The following NDUFS6 variants were observed in gnomAD, a reference collection of about 807,000 sequenced individuals.
The protein encoded by NDUFS6 is NADH dehydrogenase [ubiquinone] iron-sulfur protein 6, mitochondrial.
In NDUFS6, 14 loss-of-function variants were observed where a neutral mutation model predicts 13.2. That is an observed-to-expected ratio of 1.06 (90% CI 0.70 to 1.66). The LOEUF (loss-of-function observed/expected upper bound fraction) is 1.66, where lower values mean the gene tolerates loss of function less well. NDUFS6 is among the 40% of genes most tolerant of loss of function. NDUFS6 has a pLI of 0.00. For synonymous variants in NDUFS6, 95 were observed against 72.3 expected, an observed-to-expected ratio of 1.31 and a Z score of -1.60; for missense variants, 206 against 170.8, an observed-to-expected ratio of 1.21 and a Z score of -1.15.
In NDUFS6 at chr5:1,814,718, C is replaced by T. The variant is rs1259906844; in HGVS notation, c.309+257C>T. The T allele has an allele frequency of 7.0e-6, 5 of 709,430 alleles. No homozygotes were observed. Among genetic ancestry groups the T allele is most frequent in the Non-Finnish European group, 5.1e-6 (2 of 391,846 alleles). 43.9% of individuals were successfully genotyped at this position (709,430 alleles called of 1,614,324 possible). On this transcript the variant is annotated intron_variant, in intron 3 of 3. Coordinates refer to ENST00000274137, the MANE Select transcript of NDUFS6 (RefSeq NM_004553.6). The surrounding 1 kb of genome is among the most constrained non-coding windows in gnomAD (Gnocchi z 4.9). ...CTTCTCGGACGCCCAAGCGTCTTTC[C>T]TCTCTGGGCCCTTCTCGGTTTGGTC... is the stretch of plus-strand genomic sequence containing the variant.
At chr5:1,809,584 C>T (rs1305492748) in intron 2 of NDUFS6, among the ~76,000 whole-genome samples, 1 of 152,222 alleles carries the variant, frequency 6.6e-6, no homozygotes, top group Non-Finnish European at 1.5e-5. Context: ...GACGGGAGGG[C>T]ATCCCGCGTC....
Position 1,814,575 on chromosome 5 carries a change from C to A in NDUFS6, c.309+114C>A. The A allele has an allele frequency of 1.3e-6, 2 of 1,516,334 alleles. No homozygotes were observed. Among genetic ancestry groups the A allele is most frequent in the Non-Finnish European group, 1.8e-6 (2 of 1,113,270 alleles). The allele number at this position is 1,516,334 out of a possible 1,614,324, so 93.9% of individuals were successfully genotyped here. A position where few individuals can be genotyped will look rare whatever the true frequency, so the allele number is the denominator to read the frequency against. ...CTTCTCTACCTGCTCCCGAGGCGGC[C>A]CTTACGGGGTTCACACTGCTGGCAC... On this transcript the variant is annotated intron_variant, in intron 3 of 3. Transcript: ENST00000274137. This position sits in a 1 kb window ranked among gnomAD's most constrained non-coding sequence, Gnocchi z 4.9.
intron 2 of NDUFS6, among the ~76,000 whole-genome samples, chr5:1,803,798 T>C (rs1734084971): frequency 6.6e-6 from 1 of 152,254 alleles, no homozygotes; most frequent in Admixed American, 6.5e-5. Flanking sequence ...GAATGGGACA[T>C]TTCTTCCGTG....
In NDUFS6 at chr5:1,801,527, A is replaced by G; in HGVS notation, c.110A>G (p.Glu37Gly). 1.3e-6 allele frequency: 2 copies of G among 1,593,978 alleles called. No individual in the cohort carries two copies. The highest frequency in any genetic ancestry group is 2.2e-5 in the South Asian group (2 of 89,866). The change falls in exon 1 of 4, where the codon GAG becomes GGG. Residue 37 changes from glutamate to glycine, a missense_variant. Coordinates refer to ENST00000274137, the MANE Select transcript of NDUFS6 (RefSeq NM_004553.6). Reference protein sequence around the residue: ...CFGVRVSPTGEKVTHTGQVYD... With the variant: ...CFGVRVSPTGGKVTHTGQVYD... ...GGGGTGCGGGTCTCGCCGACCGGGG[A>G]GAAGGTCACGCACACTGGCCAGGTA...
chr5:1,805,058 A>C (rs1266744158), intron 2 of NDUFS6, among the ~76,000 whole-genome samples: 1 of 152,242 alleles, frequency 6.6e-6, no homozygotes, highest in African/African-American at 2.4e-5. Flanking sequence ...GGCCAGGCAC[A>C]GTAGGCTTAT....
chr5:1,815,870 G>T lies in NDUFS6; in HGVS notation c.329G>T (p.Gly110Val), dbSNP rs1436792715. The change falls in exon 4 of 4, where the codon GGC (glycine) becomes GTC (valine). Residue 110 changes from glycine (G) to valine (V), a missense_variant. Transcript: ENST00000274137. ...TTTCAGGACAAAGAAACAAAAACCGGCACATGCGGTTACTGTGGGCTCCAG... is the reference window on the plus strand; with the variant it reads ...TTTCAGGACAAAGAAACAAAAACCGTCACATGCGGTTACTGTGGGCTCCAG... ...YINLDKETKTGTCGYCGLQFR... is the reference protein window; with the variant it reads ...YINLDKETKTVTCGYCGLQFR... 6.2e-7 allele frequency: 1 copy of T among 1,614,122 alleles called. No individual in the cohort carries two copies. Among genetic ancestry groups the T allele is most frequent in the Non-Finnish European group, 8.5e-7 (1 of 1,180,064 alleles).
chr5:1,803,066 TC>T (rs1263364466), intron 2 of NDUFS6, among the ~76,000 whole-genome samples: 1 of 152,188 alleles, frequency 6.6e-6, no homozygotes, highest in Non-Finnish European at 1.5e-5. Context: ...TCATTCTTTT[TC>T]CCACTTTGGT....
At chr5:1,813,253 G>A (rs1011330200) in intron 2 of NDUFS6, among the ~76,000 whole-genome samples, 1 of 152,184 alleles carries the variant, frequency 6.6e-6, no homozygotes, top group African/African-American at 2.4e-5. Context: ...GGTGTGTCCT[G>A]TTAGAAATGT....
At chr5:1,812,524 G>T in intron 2 of NDUFS6, among the ~76,000 whole-genome samples, 1 of 146,816 alleles carries the variant, frequency 6.8e-6, no homozygotes, top group Non-Finnish European at 1.5e-5. Context: ...ATTTCCCCGG[G>T]TTGACTCCTC....
chr5:1,810,276 C>T (rs1285961274), intron 2 of NDUFS6, among the ~76,000 whole-genome samples: 2 of 152,212 alleles, frequency 1.3e-5, no homozygotes, highest in African/African-American at 2.4e-5. Flanking sequence ...TCATGCTTGG[C>T]GGGGCTGGCC....
At chr5:1,815,825 A>C in intron 3 of NDUFS6, 26 bp from the exon 4 acceptor site, 1 of 1,606,052 alleles carries the variant, frequency 6.2e-7, no homozygotes, top group Non-Finnish European at 8.5e-7. Context: ...TGGAAATATG[A>C]CATCATTCCT....
At chr5:1,805,598 G>T (rs996449373) in intron 2 of NDUFS6, among the ~76,000 whole-genome samples, 1 of 152,244 alleles carries the variant, frequency 6.6e-6, no homozygotes, top group African/African-American at 2.4e-5. Context: ...CCTGGAGCAG[G>T]TGGCACTCTG....
chr5:1,815,068 G>T (rs1173142202), intron 3 of NDUFS6, among the ~76,000 whole-genome samples: 1 of 152,146 alleles, frequency 6.6e-6, no homozygotes, highest in Non-Finnish European at 1.5e-5. Flanking sequence ...TTAGGACTTT[G>T]GGGGGCACAC....
intron 2 of NDUFS6, among the ~76,000 whole-genome samples, chr5:1,809,276 G>A (rs918521656): frequency 1.3e-5 from 2 of 152,208 alleles, no homozygotes; most frequent in African/African-American, 4.8e-5. Flanking sequence ...TGCTGTGACG[G>A]TTCTCCCTTG....
intron 2 of NDUFS6, among the ~76,000 whole-genome samples, chr5:1,806,546 T>A (rs886369604): frequency 6.6e-6 from 1 of 152,230 alleles, no homozygotes; most frequent in Non-Finnish European, 1.5e-5. Context: ...GCTGTTTTGT[T>A]GCGATAATGT....
chr5:1,806,042 T>C (rs1333224158), intron 2 of NDUFS6, among the ~76,000 whole-genome samples: 1 of 152,272 alleles, frequency 6.6e-6, no homozygotes, highest in African/African-American at 2.4e-5. Flanking sequence ...TGCTGCTGCC[T>C]TCGCCACCAC....
intron 2 of NDUFS6, among the ~76,000 whole-genome samples, chr5:1,811,252 T>G (rs564266257): frequency 6.6e-6 from 1 of 152,176 alleles, no homozygotes; most frequent in Admixed American, 6.5e-5. Context: ...AAAAATAATA[T>G]GCAGATTTTC....
chr5:1,813,031 G>A (rs1268910191), intron 2 of NDUFS6, among the ~76,000 whole-genome samples: 2 of 151,848 alleles, frequency 1.3e-5, no homozygotes, highest in African/African-American at 2.4e-5. Context: ...CAGCCTGGGC[G>A]ACAGAGTGAG....
Position 1,814,818 on chromosome 5 carries a change from C to T in NDUFS6, c.309+357C>T. The T allele has an allele frequency of 1.6e-6, 1 of 638,418 alleles. No individual in the cohort carries two copies. Among genetic ancestry groups the T allele is most frequent in the Non-Finnish European group, 2.8e-6 (1 of 354,868 alleles). The allele number at this position is 638,418 out of a possible 1,614,324, so 39.5% of individuals were successfully genotyped here. ...AACAACAAACACATTTCCCACAGCG[C>T]TGGAGGCTGCAGCCCAAGACCACCG... On this transcript the variant is annotated intron_variant, in intron 3 of 3. Coordinates refer to ENST00000274137, the MANE Select transcript of NDUFS6 (RefSeq NM_004553.6). This position sits in a 1 kb window ranked among gnomAD's most constrained non-coding sequence, Gnocchi z 4.9.
Sources: allele counts gnomAD v4.1 joint callset (sites outside exome capture counted in the v4.1 genomes callset), GRCh38; gene constraint gnomAD v4.1.1; non-coding constraint Gnocchi (gnomAD v3.1); transcripts MANE v1.5; gene names NCBI Gene and HGNC (gene_info 2026-07-23, HGNC 2026-07-21).